B4GALT6: variants seen among roughly 807,000 people sequenced by gnomAD.
B4GALT6 encodes beta-1,4-galactosyltransferase 6, also known as UDP-Gal:beta-GlcNAc beta-1,4-galactosyltransferase 6.
B4GALT6 carries 14 observed loss-of-function variants against 46.3 expected under a neutral mutation model. That is an observed-to-expected ratio of 0.30 (90% confidence interval 0.20 to 0.47). The LOEUF is 0.47. B4GALT6 is among the 20% of genes least tolerant of loss of function. The pLI is 0.99. For missense variants in B4GALT6, 386 were observed against 480.1 expected (o/e 0.80, Z 1.83); for synonymous variants, 168 against 162.0 (o/e 1.04, Z -0.28).
chr18:31,637,954 C>T (rs1311123500), intron 5 of B4GALT6, among the ~76,000 whole-genome samples: 1 of 152,122 alleles, frequency 6.6e-6, no homozygotes, highest in Non-Finnish European at 1.5e-5. Flanking sequence ...TGAAACTTTA[C>T]AGAGGTTTTC....
chr18:31,696,542 T>A, the B4GALT6 span, among the ~76,000 whole-genome samples: 1 of 152,210 alleles, frequency 6.6e-6, no homozygotes, highest in Admixed American at 6.5e-5. Flanking sequence ...TTTTAAGTAG[T>A]TCTAAAATTA....
chr18:31,668,889 T>TAAC (rs1414275392), intron 1 of B4GALT6, among the ~76,000 whole-genome samples: 1 of 151,134 alleles, frequency 6.6e-6, no homozygotes, highest in African/African-American at 2.4e-5. Context: ...CGCACGCCTG[T>TAAC]AACCCCAGCT....
the B4GALT6 span, among the ~76,000 whole-genome samples, chr18:31,693,500 T>C: frequency 6.6e-6 from 1 of 152,182 alleles, no homozygotes; most frequent in Non-Finnish European, 1.5e-5. Flanking sequence ...TAATAAAATA[T>C]TATAGCTTAC....
upstream of B4GALT6, chr18:31,686,860 AC>A (rs1293575623): frequency 6.6e-6 from 1 of 152,210 alleles, no homozygotes; most frequent in Non-Finnish European, 1.5e-5. Flanking sequence ...AGCTAATACC[AC>A]CATACCACTA....
At chr18:31,651,238 T>C (rs1327859294) in intron 3 of B4GALT6, among the ~76,000 whole-genome samples, 1 of 152,188 alleles carries the variant, frequency 6.6e-6, no homozygotes, top group East Asian at 1.9e-4. Flanking sequence ...CAATTATCCA[T>C]GCTCCAATTC....
chr18:31,711,120 C>A, the B4GALT6 span, among the ~76,000 whole-genome samples: 1 of 152,192 alleles, frequency 6.6e-6, no homozygotes, highest in Non-Finnish European at 1.5e-5. Context: ...GTCACTCTGT[C>A]CCAAAGAGGT....
At chr18:31,690,076 A>ACTT (rs2030059443), upstream of B4GALT6, among the ~76,000 whole-genome samples, 1 of 152,186 alleles carries the variant, frequency 6.6e-6, no homozygotes, top group African/African-American at 2.4e-5. Flanking sequence ...AAAAGAATTA[A>ACTT]CTTATTATGG....
chr18:31,662,813 C>CA (rs2074234952), intron 2 of B4GALT6, among the ~76,000 whole-genome samples: 1 of 152,094 alleles, frequency 6.6e-6, no homozygotes, highest in African/African-American at 2.4e-5. Context: ...TGCACTTCAG[C>CA]CTGGGCGACA....
chr18:31,655,256 G>A (rs1238080514), intron 3 of B4GALT6, among the ~76,000 whole-genome samples: 2 of 152,202 alleles, frequency 1.3e-5, no homozygotes, highest in Non-Finnish European at 2.9e-5. Flanking sequence ...TTATCTGTAT[G>A]TGGCTGTATT....
At chr18:31,666,642 C>G (rs1210810073) in intron 1 of B4GALT6, among the ~76,000 whole-genome samples, 1 of 152,034 alleles carries the variant, frequency 6.6e-6, no homozygotes, top group Non-Finnish European at 1.5e-5. Context: ...TTATAATGAA[C>G]CCCCACATCT....
intron 3 of B4GALT6, among the ~76,000 whole-genome samples, chr18:31,652,517 C>A (rs553728444): frequency 1.3e-5 from 2 of 152,192 alleles, no homozygotes; most frequent in South Asian, 4.2e-4. Context: ...TCTCAGGGAC[C>A]CACTCTCAGC....
chr18:31,631,172 A>T, intron 5 of B4GALT6, 26 bp from the exon 6 acceptor site: 2 of 1,568,148 alleles, frequency 1.3e-6, no homozygotes, highest in Non-Finnish European at 1.7e-6. Context: ...CGAGAGAAAA[A>T]AATAGAAATG....
upstream of B4GALT6, among the ~76,000 whole-genome samples, chr18:31,688,320 C>CATAAAT (rs200699234): frequency 0.019 from 2,805 of 150,048 alleles, 78 homozygotes; most frequent in African/African-American, 0.064. Context: ...AGATACTTCT[C>CATAAAT]AAAAATTTGT....
chr18:31,707,825 C>T, the B4GALT6 span, among the ~76,000 whole-genome samples: 1 of 152,024 alleles, frequency 6.6e-6, no homozygotes, highest in Non-Finnish European at 1.5e-5. Flanking sequence ...TATATTCTTT[C>T]TGATATTATA....
At chr18:31,713,351 T>C in the B4GALT6 span, among the ~76,000 whole-genome samples, 1 of 152,192 alleles carries the variant, frequency 6.6e-6, no homozygotes, top group Non-Finnish European at 1.5e-5. Context: ...GATTCCATCT[T>C]TAAATATATA....
At chr18:31,722,844 T>C in the B4GALT6 span, among the ~76,000 whole-genome samples, 19 of 152,212 alleles carry the variant, frequency 1.2e-4, no homozygotes, top group African/African-American at 4.6e-4. Flanking sequence ...CTTCAATCAC[T>C]AATGAAATAC....
chr18:31,626,502 C>T lies in B4GALT6; in HGVS notation c.900-118G>A, dbSNP rs1667266. On this transcript the variant is annotated intron_variant, in intron 7 of 8. Coordinates refer to ENST00000306851, the MANE Select transcript of B4GALT6 (RefSeq NM_004775.5). ...AATCCAGGGTTCCCCAACCCCTGGG[C>T]CACAAACCAGTATAGGTCCATGGCC... 2.0e-5 allele frequency: 11 copies of T among 552,646 alleles called. No individual in the cohort carries two copies. The African/African-American group carries it at 2.1e-4, about 11-fold the overall frequency. 34.2% of individuals were successfully genotyped at this position (552,646 alleles called of 1,614,324 possible). A position where few individuals can be genotyped will look rare whatever the true frequency, so the allele number is the denominator to read the frequency against.
upstream of B4GALT6, among the ~76,000 whole-genome samples, chr18:31,687,737 C>A (rs1260150107): frequency 6.6e-6 from 1 of 152,148 alleles, no homozygotes; most frequent in Admixed American, 6.5e-5. Flanking sequence ...CCACTAGGGA[C>A]ACCGTGCTCT....
the B4GALT6 span, among the ~76,000 whole-genome samples, chr18:31,694,968 G>A: frequency 6.6e-6 from 1 of 152,114 alleles, no homozygotes. Flanking sequence ...AAACATTCTT[G>A]ATTGAGTTCC....
Sources: gnomAD v4.1 joint callset for allele counts (sites outside exome capture counted in the v4.1 genomes callset) on GRCh38, gnomAD v4.1.1 for gene constraint, MANE v1.5 for transcripts, NCBI Gene and HGNC (gene_info 2026-07-23, HGNC 2026-07-21) for gene names.